The following PRP4K variants were observed in gnomAD, a reference collection of about 807,000 sequenced individuals.
PRP4K encodes serine/threonine-protein kinase PRP4 homolog.
chr6:4,039,675 G>GT, the PRP4K span, among the ~76,000 whole-genome samples: 1 of 152,074 alleles, frequency 6.6e-6, no homozygotes, highest in East Asian at 1.9e-4. Flanking sequence ...TGTTCTGACT[G>GT]TTTCTGATTT....
chr6:4,023,080 A>G, the PRP4K span, among the ~76,000 whole-genome samples: 1 of 152,184 alleles, frequency 6.6e-6, no homozygotes, highest in Non-Finnish European at 1.5e-5. Context: ...TAAATGGAAT[A>G]TTTGGTCTGT....
At chr6:4,045,145 C>T in the PRP4K span, among the ~76,000 whole-genome samples, 3 of 152,190 alleles carry the variant, frequency 2.0e-5, no homozygotes, top group African/African-American at 4.8e-5. Flanking sequence ...AGGCGTGAGC[C>T]ACCACGCCCA....
the PRP4K span, chr6:4,040,945 C>G: frequency 6.3e-7 from 1 of 1,588,686 alleles, no homozygotes; most frequent in South Asian, 1.1e-5. Context: ...TAGAACTTAC[C>G]CATAACTTTG....
At chr6:4,053,035 G>A in the PRP4K span, among the ~76,000 whole-genome samples, 269 of 152,190 alleles carry the variant, frequency 1.8e-3, no homozygotes, top group Non-Finnish European at 2.3e-3. Context: ...CTTGGAAATC[G>A]GACAGTGAAA....
At chr6:4,052,642 A>G in the PRP4K span, 1 of 1,199,100 alleles carries the variant, frequency 8.3e-7, no homozygotes, top group Non-Finnish European at 1.1e-6. Flanking sequence ...TATGCTTGCA[A>G]ATGTTTTTGC....
chr6:4,052,735 G>A, the PRP4K span: 1 of 1,586,832 alleles, frequency 6.3e-7, no homozygotes, highest in Non-Finnish European at 8.6e-7. Context: ...ACTTACGAGA[G>A]GTGTTAAAAA....
At chr6:4,032,813 A>T in the PRP4K span, 1 of 1,428,508 alleles carries the variant, frequency 7.0e-7, no homozygotes, top group South Asian at 1.8e-5. Context: ...TTAAACGGAA[A>T]ACTAGAACTT....
At chr6:4,040,918 CTGA>C in the PRP4K span, 2 of 1,612,784 alleles carry the variant, frequency 1.2e-6, no homozygotes. Context: ...GAATCTTCGT[CTGA>C]TGATAAGTAA....
the PRP4K span, among the ~76,000 whole-genome samples, chr6:4,059,146 T>C: frequency 1.3e-5 from 2 of 152,204 alleles, no homozygotes; most frequent in African/African-American, 4.8e-5. Flanking sequence ...CATGTTCCTA[T>C]CCCTGCTTAA....
chr6:4,043,699 G>T, the PRP4K span: 3 of 949,022 alleles, frequency 3.2e-6, no homozygotes, highest in Non-Finnish European at 4.8e-6. Context: ...CATTTGGTTT[G>T]TTACATTATT....
At chr6:4,052,590 G>A in the PRP4K span, 41 of 647,244 alleles carry the variant, frequency 6.3e-5, no homozygotes, top group African/African-American at 5.7e-4. Flanking sequence ...TCAAATGTGG[G>A]GGTGGTTCTT....
the PRP4K span, chr6:4,043,939 A>G: frequency 6.2e-7 from 1 of 1,614,088 alleles, no homozygotes; most frequent in Non-Finnish European, 8.5e-7. Context: ...TGCTGATGTT[A>G]AAGAGTATGA....
the PRP4K span, chr6:4,040,978 T>C: frequency 8.8e-4 from 1,339 of 1,513,896 alleles, 10 homozygotes; most frequent in African/African-American, 0.016. Flanking sequence ...AGAGAAGTCT[T>C]ATTTGACTTG....
chr6:4,056,224 T>G, the PRP4K span: 1 of 786,588 alleles, frequency 1.3e-6, no homozygotes, highest in South Asian at 1.7e-5. Context: ...GTTCTCAGTA[T>G]TGGAATTAAT....
chr6:4,053,903 T>TTTTGTTTTG, the PRP4K span, among the ~76,000 whole-genome samples: 41 of 149,506 alleles, frequency 2.7e-4, no homozygotes, highest in East Asian at 7.3e-3. Flanking sequence ...TCTTTTGTTT[T>TTTTGTTTTG]TTTTGTTTTG....
the PRP4K span, among the ~76,000 whole-genome samples, chr6:4,041,901 G>A: frequency 2.6e-5 from 4 of 152,318 alleles, no homozygotes; most frequent in Admixed American, 6.5e-5. Context: ...CTTCTGCAGC[G>A]AACATTCAGC....
chr6:4,049,025 C>G, the PRP4K span: 3 of 1,612,396 alleles, frequency 1.9e-6, no homozygotes, highest in Non-Finnish European at 1.7e-6. Context: ...GAGTGCTCGT[C>G]TTCGGGCCGC....
chr6:4,042,466 G>T, the PRP4K span: 4 of 1,554,784 alleles, frequency 2.6e-6, no homozygotes, highest in Admixed American at 6.9e-5. Flanking sequence ...TCTCTTAAGG[G>T]TGTTTGAATT....
At chr6:4,049,948 A>AT in the PRP4K span, 43 of 1,495,012 alleles carry the variant, frequency 2.9e-5, no homozygotes, top group South Asian at 4.1e-4. Context: ...TTTTTAAACT[A>AT]TTTTTTTAAA....
Sources: allele counts gnomAD v4.1 joint callset (sites outside exome capture counted in the v4.1 genomes callset), GRCh38; gene constraint gnomAD v4.1.1; transcripts MANE v1.5; gene names NCBI Gene and HGNC (gene_info 2026-07-23, HGNC 2026-07-21).